SGPL1: variants seen among roughly 807,000 people sequenced by gnomAD.
The protein encoded by SGPL1 is SP-lyase 1.
A neutral mutation model predicts 68.9 loss-of-function variants in SGPL1; 37 were observed. That is an observed-to-expected ratio of 0.54 (90% CI 0.41 to 0.71). The LOEUF (loss-of-function observed/expected upper bound fraction) is 0.71, where lower values mean the gene tolerates loss of function less well. Ranked by LOEUF, SGPL1 falls within the 30% of genes least tolerant of loss-of-function variation. The pLI is 0.00. For missense variants in SGPL1, 551 were observed against 704.6 expected (o/e 0.78, Z 2.47); for synonymous variants, 236 against 248.5 (o/e 0.95, Z 0.47).
At chr10:70,833,666 TG>T (rs1267652800) in intron 2 of SGPL1, among the ~76,000 whole-genome samples, 6 of 151,966 alleles carry the variant, frequency 3.9e-5, no homozygotes, top group Non-Finnish European at 5.9e-5. Flanking sequence ...CTTTTTTTGG[TG>T]GGGGGGCAGA....
chr10:70,846,732 T>A (rs920112363), intron 3 of SGPL1, among the ~76,000 whole-genome samples: 1 of 152,270 alleles, frequency 6.6e-6, no homozygotes, highest in Admixed American at 6.5e-5. Flanking sequence ...CTTGCTATGA[T>A]TAATATTAAT....
intron 7 of SGPL1, among the ~76,000 whole-genome samples, chr10:70,867,777 T>G (rs1370473213): frequency 6.6e-6 from 1 of 151,658 alleles, no homozygotes; most frequent in Non-Finnish European, 1.5e-5. Context: ...GGAAAACATT[T>G]CACTTCACTT....
rs761226157 is a variant in SGPL1 at position 70,876,573 on chromosome 10, G to A, written c.1478G>A (p.Arg493Gln). The change falls in exon 14 of 15, where the codon CGG becomes CAG. Residue 493 changes from arginine to glutamine, a missense_variant. By Grantham distance (43) the Arg-to-Gln change is conservative. Transcript: ENST00000373202. ...TTCTGCATCACATTACTACACGCCC[G>A]GAAACGAGTAGCTATACAATTCCTA... ...IHFCITLLHA[R>Q]KRVAIQFLKD... The A allele has an allele frequency of 3.1e-5, 50 of 1,611,830 alleles. No individual in the cohort carries two copies. The highest frequency in any genetic ancestry group is 1.6e-4 in the Middle Eastern group (1 of 6,078).
intron 1 of SGPL1, 70 bp downstream of exon 1, chr10:70,816,196 G>C (rs1184721168): frequency 1.4e-5 from 2 of 146,320 alleles, no homozygotes; most frequent in Non-Finnish European, 3.0e-5. Context: ...GTGAGGAGAG[G>C]ACAGGGGCCG....
At chr10:70,869,977 T>A in intron 9 of SGPL1, 80 bp downstream of exon 9, 1 of 1,116,044 alleles carries the variant, frequency 9.0e-7, no homozygotes, top group Non-Finnish European at 1.3e-6. Flanking sequence ...CCGTTTCCAG[T>A]CAGATGGGTC....
intron 2 of SGPL1, among the ~76,000 whole-genome samples, chr10:70,818,919 CATTCGCCTCTA>C (rs1424814255): frequency 1.3e-5 from 2 of 152,210 alleles, no homozygotes; most frequent in African/African-American, 4.8e-5. Flanking sequence ...ACATCCCCTT[CATTCGCCTCTA>C]CCCCGTGCAG....
intron 4 of SGPL1, among the ~76,000 whole-genome samples, chr10:70,852,643 C>G (rs1845902425): frequency 6.6e-6 from 1 of 152,146 alleles, no homozygotes; most frequent in Non-Finnish European, 1.5e-5. Flanking sequence ...AAGGACTATC[C>G]AATCACTCTC....
At chr10:70,872,094 A>C in intron 11 of SGPL1, 108 bp downstream of exon 11, 476 of 1,100,326 alleles carry the variant, frequency 4.3e-4, no homozygotes, top group Non-Finnish European at 5.6e-4. Flanking sequence ...TAGAATTCTC[A>C]TCAGATGCTT....
chr10:70,864,321 C>T (rs190186647), intron 7 of SGPL1, among the ~76,000 whole-genome samples: 1 of 152,334 alleles, frequency 6.6e-6, no homozygotes, highest in Admixed American at 6.5e-5. Flanking sequence ...TTGGTTGCCT[C>T]TGGCCAGATT....
intron 2 of SGPL1, among the ~76,000 whole-genome samples, chr10:70,834,605 G>A (rs1250755419): frequency 6.6e-6 from 1 of 152,348 alleles, no homozygotes; most frequent in East Asian, 1.9e-4. Flanking sequence ...AATGAAGTTT[G>A]CAGTTCGAAA....
In SGPL1 at chr10:70,869,783, G is replaced by A. The variant is rs771760306; in HGVS notation, c.705-9G>A. On this transcript the variant is annotated splice_polypyrimidine_tract_variant and intron_variant, in intron 8 of 14. Coordinates refer to ENST00000373202, the MANE Select transcript of SGPL1 (RefSeq NM_003901.4). ...GAGTTACATTATTCTCCTCTTCCCT[G>A]TCATTTAGTGTGGCTCCCCAAAGTG... 2 of 1,611,182 alleles carry A rather than the reference G, an allele frequency of 1.2e-6. No homozygotes were observed. Among genetic ancestry groups the A allele is most frequent in the Admixed American group, 1.7e-5 (1 of 59,884 alleles).
chr10:70,857,505 C>T, intron 5 of SGPL1, 109 bp from the exon 6 acceptor site: 1 of 825,736 alleles, frequency 1.2e-6, no homozygotes, highest in East Asian at 2.7e-5. Context: ...TTCCACTCAA[C>T]ATTTTTTTCT....
chr10:70,840,166 C>G lies in SGPL1; in HGVS notation c.28-4307C>G, dbSNP rs190996125. On this transcript the variant is annotated intron_variant, in intron 2 of 14. Coordinates refer to ENST00000373202, the MANE Select transcript of SGPL1 (RefSeq NM_003901.4). Reference sequence around the variant, plus strand: ...GATTGTAATGTGTTACTCCTCTGCCCATGAATACTGAAAATCAAGATTTGA... The same window carrying G: ...GATTGTAATGTGTTACTCCTCTGCCGATGAATACTGAAAATCAAGATTTGA... 7.8e-4 allele frequency among the ~76,000 whole-genome samples: 119 copies of G among 152,108 alleles called. 1 individual carries two copies. The highest frequency in any genetic ancestry group is 2.8e-3 in the African/African-American group (115 of 41,510).
At chr10:70,846,995 A>G (rs1845801634) in intron 3 of SGPL1, among the ~76,000 whole-genome samples, 1 of 152,094 alleles carries the variant, frequency 6.6e-6, no homozygotes, top group Non-Finnish European at 1.5e-5. Flanking sequence ...TTAGGTTCTG[A>G]TACTTATCTG....
At chr10:70,856,197 T>C (rs924891396) in intron 5 of SGPL1, among the ~76,000 whole-genome samples, 6 of 152,182 alleles carry the variant, frequency 3.9e-5, no homozygotes, top group African/African-American at 1.4e-4. Context: ...GATTTCACCA[T>C]GTTGCCCAGG....
rs1404421714 is a variant in SGPL1, at chr10:70,816,830, C to T, written c.-24C>T. 1.9e-6 allele frequency: 3 copies of T among 1,613,364 alleles called. No individual in the cohort carries two copies. The highest frequency in any genetic ancestry group is 2.2e-5 in the South Asian group (2 of 91,050). ...TTACAGAGTCTGAAAAAGGGGAGCGCGGAGAGGAGGCTGGAAGAGGAAGAT... is the reference window on the plus strand; with the variant it reads ...TTACAGAGTCTGAAAAAGGGGAGCGTGGAGAGGAGGCTGGAAGAGGAAGAT... On this transcript the variant is annotated 5_prime_UTR_variant, in exon 2 of 15. Coordinates refer to ENST00000373202, the MANE Select transcript of SGPL1 (RefSeq NM_003901.4).
intron 2 of SGPL1, among the ~76,000 whole-genome samples, chr10:70,827,815 C>T (rs1845462273): frequency 6.6e-6 from 1 of 152,080 alleles, no homozygotes; most frequent in Admixed American, 6.5e-5. Context: ...TTCTTAATGT[C>T]CCTCCCAGTT....
intron 12 of SGPL1, among the ~76,000 whole-genome samples, chr10:70,874,256 A>C (rs191059019): frequency 6.6e-6 from 1 of 152,102 alleles, no homozygotes; most frequent in Admixed American, 6.5e-5. Flanking sequence ...ATTGAGGGGG[A>C]AGGAAAGCTG....
rs375438929 is a variant in SGPL1 at position 70,863,072 on chromosome 10, C to T, written c.615+3573C>T. 1.6e-3 allele frequency among the ~76,000 whole-genome samples: 249 copies of T among 152,208 alleles called. 7 individuals carry two copies. The South Asian group carries it at 0.033, about 20-fold the overall frequency. ...CCATCTCAGCTCACTGCAGCCTTGA[C>T]CTCTCTGGGCTCAAGCGACCCTCCC... On this transcript the variant is annotated intron_variant, in intron 7 of 14. Coordinates refer to ENST00000373202, the MANE Select transcript of SGPL1 (RefSeq NM_003901.4).
Sources: allele counts gnomAD v4.1 joint callset (sites outside exome capture counted in the v4.1 genomes callset), GRCh38; gene constraint gnomAD v4.1.1; transcripts MANE v1.5; gene names NCBI Gene and HGNC (gene_info 2026-07-23, HGNC 2026-07-21).